Variants in GPR89A observed in about 807,000 individuals in gnomAD.
GPR89A encodes the protein golgi pH regulator A.
In GPR89A, 16 loss-of-function variants were observed where a neutral mutation model predicts 52.0. The ratio of observed to expected loss-of-function variants is 0.31; its 90% CI spans 0.21 to 0.47. GPR89A has a LOEUF of 0.47. Ranked by LOEUF, GPR89A falls within the 20% of genes least tolerant of loss-of-function variation. The probability of loss-of-function intolerance (pLI) is 1.00; values close to 1 mark genes in which losing one functional copy is unlikely to be tolerated. For synonymous variants in GPR89A, 55 were observed against 150.9 expected (o/e 0.36, Z 4.66); for missense variants, 135 against 449.4 (o/e 0.30, Z 6.33).
chr1:145,609,663 C>T (rs1181435536), intron 1 of GPR89A, among the ~76,000 whole-genome samples: 1 of 152,160 alleles, frequency 6.6e-6, no homozygotes, highest in African/African-American at 2.4e-5. Flanking sequence ...TGCATTGCAG[C>T]CTCTACGATT....
At chr1:145,610,439 C>T (rs113913046) in intron 1 of GPR89A, among the ~76,000 whole-genome samples, 2,194 of 152,194 alleles carry the variant, frequency 0.014, 48 homozygotes, top group African/African-American at 0.05. Context: ...AGTTCCCTAA[C>T]CTGGCGATGC....
intron 1 of GPR89A, chr1:145,608,479 C>T (rs1647995039): frequency 4.6e-6 from 3 of 654,696 alleles, no homozygotes; most frequent in African/African-American, 1.9e-5. Context: ...GCTAAGGCGG[C>T]GGTTCTAGGA....
chr1:145,637,381 A>G (rs1553691010), intron 7 of GPR89A, among the ~76,000 whole-genome samples: 1 of 149,426 alleles, frequency 6.7e-6, no homozygotes, highest in East Asian at 2.0e-4. Flanking sequence ...TCAGCAGAGA[A>G]TATCAGGGAG....
chr1:145,617,407 A>G (rs1337585788), intron 2 of GPR89A, among the ~76,000 whole-genome samples: 4 of 151,854 alleles, frequency 2.6e-5, no homozygotes, highest in African/African-American at 9.7e-5. Context: ...ATGTTTTTCA[A>G]ACAATTTGTA....
intron 5 of GPR89A, among the ~76,000 whole-genome samples, chr1:145,627,636 CCTG>C (rs1649598347): frequency 6.6e-6 from 1 of 152,092 alleles, no homozygotes; most frequent in African/African-American, 2.4e-5. Context: ...TTTCTGCCCC[CCTG>C]AAATTGATAG....
At chr1:145,646,377 C>T in intron 9 of GPR89A, 105 bp downstream of exon 9, 1 of 814,338 alleles carries the variant, frequency 1.2e-6, no homozygotes, top group Non-Finnish European at 1.9e-6. Context: ...AGAGATACCT[C>T]ACAGCTTCTA....
intron 10 of GPR89A, among the ~76,000 whole-genome samples, chr1:145,647,871 CTCTCTCTCTATATA>C (rs1571520106): frequency 4.0e-4 from 35 of 88,410 alleles, no homozygotes; most frequent in East Asian, 1.5e-3. Flanking sequence ...CTCTCTCTCT[CTCTCTCTCTATATA>C]TATATATATA....
chr1:145,654,716 G>T (rs1411495875), intron 10 of GPR89A, among the ~76,000 whole-genome samples: 3 of 151,656 alleles, frequency 2.0e-5, no homozygotes, highest in African/African-American at 4.8e-5. Context: ...TTCGACCTTG[G>T]AGAATCTGAT....
rs1651149234 is a variant in GPR89A, at chr1:145,647,873, CTCTCTCTATATA to C, written c.909+608_909+619del. The stretch of plus-strand genomic sequence containing the variant: ...CTCCTCTCTCTCTCTCTCTCTCTCT[CTCTCTCTATATA>C]TATATATATATATATATATATATAT... On this transcript the variant is annotated intron_variant, in intron 10 of 13. Coordinates refer to ENST00000313835, the MANE Select transcript of GPR89A (RefSeq NM_001097612.2). 7.9e-3 allele frequency among the ~76,000 whole-genome samples: 637 copies of C among 80,596 alleles called. 4 individuals carry two copies. Among genetic ancestry groups the C allele is most frequent in the Non-Finnish European group, 0.012 (487 of 41,908 alleles). 52.9% of individuals were successfully genotyped at this position (80,596 alleles called of 152,430 possible). A position where few individuals can be genotyped will look rare whatever the true frequency, so the allele number is the denominator to read the frequency against.
chr1:145,615,956 A>C (rs1303145420), intron 1 of GPR89A, among the ~76,000 whole-genome samples: 4 of 151,496 alleles, frequency 2.6e-5, no homozygotes, highest in African/African-American at 9.7e-5. Flanking sequence ...TCTCTGGCTC[A>C]TATAATGATT....
At chr1:145,621,806 G>A (rs1428874562) in intron 3 of GPR89A, among the ~76,000 whole-genome samples, 2 of 151,822 alleles carry the variant, frequency 1.3e-5, no homozygotes, top group African/African-American at 2.4e-5. Flanking sequence ...CAAATGGCCA[G>A]TAAGCACATA....
chr1:145,648,512 T>C (rs58988910), intron 10 of GPR89A, among the ~76,000 whole-genome samples: 5,945 of 149,834 alleles, frequency 0.04, 316 homozygotes, highest in African/African-American at 0.14. Flanking sequence ...TGGAGTCTCA[T>C]TCTGTCACCC....
intron 1 of GPR89A, among the ~76,000 whole-genome samples, chr1:145,610,484 C>T (rs1648185741): frequency 6.6e-6 from 1 of 152,086 alleles, no homozygotes; most frequent in Admixed American, 6.6e-5. Context: ...AGTGTGTTTT[C>T]TCTTTCTGGG....
chr1:145,669,681 A>G lies in GPR89A; in HGVS notation c.1152A>G (p.Ala384=), dbSNP rs782707621. The G allele has an allele frequency of 1.9e-6, 3 of 1,611,504 alleles. No homozygotes were observed. The highest frequency in any genetic ancestry group is 2.5e-6 in the Non-Finnish European group (3 of 1,179,526). The stretch of plus-strand genomic sequence containing the variant: ...CCAATGTCATTGTCCTGCTATTAGC[A>G]CAGATAATGGTAAGTTTAATTAGTT... ...KSSNVIVLLL[A]QIMGMYFVSS... is the part of the protein sequence containing the mutation. The change falls in exon 13 of 14, where the codon GCA becomes GCG. Residue 384 remains alanine (A), a synonymous_variant. Coordinates refer to ENST00000313835, the MANE Select transcript of GPR89A (RefSeq NM_001097612.2).
In GPR89A at chr1:145,623,722, T is replaced by G; in HGVS notation, c.415+8T>G. The G allele has an allele frequency of 6.3e-7, 1 of 1,592,528 alleles. No homozygotes were observed. The highest frequency in any genetic ancestry group is 1.2e-5 in the South Asian group (1 of 85,476). ...TTCTCAGCCCAAAACATGGTGAGTATATATAGGAGGGCAGAGGAAGTGGGG... is the reference window on the plus strand; with the variant it reads ...TTCTCAGCCCAAAACATGGTGAGTAGATATAGGAGGGCAGAGGAAGTGGGG... On this transcript the variant is annotated splice_region_variant and intron_variant, in intron 5 of 13. Coordinates refer to ENST00000313835, the MANE Select transcript of GPR89A (RefSeq NM_001097612.2).
At chr1:145,656,875 T>C (rs587691415) in intron 10 of GPR89A, among the ~76,000 whole-genome samples, 1 of 151,944 alleles carries the variant, frequency 6.6e-6, no homozygotes, top group African/African-American at 2.4e-5. Flanking sequence ...AATCATAGTT[T>C]ATTGAGTATT....
intron 10 of GPR89A, among the ~76,000 whole-genome samples, chr1:145,662,306 C>T (rs1553695688): frequency 6.6e-6 from 1 of 152,048 alleles, no homozygotes; most frequent in Non-Finnish European, 1.5e-5. Flanking sequence ...TTGTGTACCC[C>T]TTGTTGAAAT....
intron 3 of GPR89A, among the ~76,000 whole-genome samples, chr1:145,621,338 CATG>C (rs1553688100): frequency 6.7e-6 from 1 of 150,040 alleles, no homozygotes; most frequent in African/African-American, 2.5e-5. Context: ...TTCTTACAGA[CATG>C]ATGATTTTAT....
intron 12 of GPR89A, among the ~76,000 whole-genome samples, chr1:145,666,800 A>G (rs1652594852): frequency 1.4e-5 from 2 of 146,230 alleles, no homozygotes; most frequent in African/African-American, 5.1e-5. Context: ...GAGAATATGC[A>G]GTGTTTGGCT....
Sources: allele counts gnomAD v4.1 joint callset (sites outside exome capture counted in the v4.1 genomes callset), GRCh38; gene constraint gnomAD v4.1.1; transcripts MANE v1.5; gene names NCBI Gene and HGNC (gene_info 2026-07-23, HGNC 2026-07-21).